The following ADGRL3 variants were observed in gnomAD, a reference collection of about 807,000 sequenced individuals.
ADGRL3 encodes the protein adhesion G protein-coupled receptor L3, also known as calcium-independent alpha-latrotoxin receptor 3.
Under a neutral mutation model 153.5 loss-of-function variants are expected in ADGRL3, and 62 were observed. That is an observed-to-expected ratio of 0.40 (90% CI 0.33 to 0.50). ADGRL3 has a LOEUF of 0.50. Ranked by LOEUF, ADGRL3 falls within the 20% of genes least tolerant of loss-of-function variation. ADGRL3 has a pLI of 0.47. For missense variants in ADGRL3, 1,641 were observed against 1,859.4 expected (o/e 0.88, Z 2.16); for synonymous variants, 710 against 672.5 (o/e 1.06, Z -0.86).
At chr4:61,228,965 T>C (rs1202954846) in intron 1 of ADGRL3, among the ~76,000 whole-genome samples, 1 of 152,188 alleles carries the variant, frequency 6.6e-6, no homozygotes, top group African/African-American at 2.4e-5. Flanking sequence ...GTGCTGGAAT[T>C]ACAGGCGTGA....
chr4:61,817,332 A>T (rs1201517554), intron 9 of ADGRL3, among the ~76,000 whole-genome samples: 3 of 152,166 alleles, frequency 2.0e-5, no homozygotes, highest in African/African-American at 7.2e-5. Flanking sequence ...TGTGGCCTGG[A>T]TTGAGAACTT....
chr4:61,879,648 T>C (rs1486930901), intron 9 of ADGRL3, among the ~76,000 whole-genome samples: 1 of 152,188 alleles, frequency 6.6e-6, no homozygotes, highest in African/African-American at 2.4e-5. Flanking sequence ...CAAGACTCCA[T>C]ATTCTTAAAA....
intron 9 of ADGRL3, among the ~76,000 whole-genome samples, chr4:61,881,500 T>G (rs2098508303): frequency 6.6e-6 from 1 of 152,176 alleles, no homozygotes; most frequent in Admixed American, 6.5e-5. Flanking sequence ...TGACTCAGCC[T>G]CCCAAGTAGG....
chr4:61,697,757 G>T (rs2095668466), intron 6 of ADGRL3, among the ~76,000 whole-genome samples: 1 of 152,058 alleles, frequency 6.6e-6, no homozygotes. Flanking sequence ...AGTGGCAGAG[G>T]TATTTTCAAG....
intron 4 of ADGRL3, among the ~76,000 whole-genome samples, chr4:61,527,097 A>C (rs1342610461): frequency 6.6e-6 from 1 of 152,104 alleles, no homozygotes. Context: ...TTCTGCCAAG[A>C]AGTAAATACA....
intron 4 of ADGRL3, among the ~76,000 whole-genome samples, chr4:61,557,625 C>A (rs1247569456): frequency 6.6e-6 from 1 of 152,156 alleles, no homozygotes; most frequent in Admixed American, 6.5e-5. Context: ...AGCAGGCTGA[C>A]TGCCTTTCAC....
At chr4:62,058,763 G>C (rs1282334962) in intron 25 of ADGRL3, among the ~76,000 whole-genome samples, 1 of 152,100 alleles carries the variant, frequency 6.6e-6, no homozygotes, top group Non-Finnish European at 1.5e-5. Context: ...CAATTTCGCA[G>C]CTATTAGAAG....
intron 9 of ADGRL3, among the ~76,000 whole-genome samples, chr4:61,834,418 A>G (rs2148906888): frequency 6.6e-6 from 1 of 152,306 alleles, no homozygotes; most frequent in East Asian, 1.9e-4. Flanking sequence ...CACAATAAAC[A>G]TACGTGTGCA....
chr4:61,478,643 A>G (rs903460975), intron 2 of ADGRL3, among the ~76,000 whole-genome samples: 11 of 151,858 alleles, frequency 7.2e-5, no homozygotes, highest in Admixed American at 6.6e-4. Context: ...GAACTCTTTG[A>G]CTCTTTCTGT....
At chr4:61,656,905 A>T (rs2094456892) in intron 5 of ADGRL3, among the ~76,000 whole-genome samples, 1 of 152,110 alleles carries the variant, frequency 6.6e-6, no homozygotes, top group Non-Finnish European at 1.5e-5. Context: ...CTCTCTGTTA[A>T]ACTTCTGCTG....
chr4:61,443,647 G>A (rs996936509), intron 2 of ADGRL3, among the ~76,000 whole-genome samples: 1 of 151,768 alleles, frequency 6.6e-6, no homozygotes, highest in Non-Finnish European at 1.5e-5. Flanking sequence ...TCCTTCTGAG[G>A]CTGGTGTGGG....
intron 1 of ADGRL3, among the ~76,000 whole-genome samples, chr4:61,364,483 G>T (rs1372617964): frequency 6.6e-6 from 1 of 151,780 alleles, no homozygotes; most frequent in African/African-American, 2.4e-5. Flanking sequence ...CTTCTTCACT[G>T]CTTTCATTTT....
At chr4:61,917,810 G>A (rs2098751653) in intron 13 of ADGRL3, among the ~76,000 whole-genome samples, 1 of 151,504 alleles carries the variant, frequency 6.6e-6, no homozygotes, top group South Asian at 2.1e-4. Flanking sequence ...AGAACAGAAA[G>A]TTCCTGAAAT....
At chr4:61,440,271 A>G (rs1353511038) in intron 2 of ADGRL3, among the ~76,000 whole-genome samples, 1 of 152,104 alleles carries the variant, frequency 6.6e-6, no homozygotes, top group African/African-American at 2.4e-5. Flanking sequence ...GCTAGTCTCA[A>G]ACTCCTGACC....
At chr4:61,545,420 CCT>C (rs2098708998) in intron 4 of ADGRL3, among the ~76,000 whole-genome samples, 2 of 152,074 alleles carry the variant, frequency 1.3e-5, no homozygotes, top group African/African-American at 4.8e-5. Context: ...TGGGGCAGTG[CCT>C]CTCTTTCATA....
At chr4:61,494,587 G>A (rs1488393080) in intron 2 of ADGRL3, among the ~76,000 whole-genome samples, 1 of 152,074 alleles carries the variant, frequency 6.6e-6, no homozygotes, top group Non-Finnish European at 1.5e-5. Flanking sequence ...AGATTTTCAG[G>A]TTTTCTTGTG....
At chr4:61,237,358 C>T (rs1009590019) in intron 1 of ADGRL3, among the ~76,000 whole-genome samples, 4 of 152,070 alleles carry the variant, frequency 2.6e-5, no homozygotes, top group African/African-American at 9.7e-5. Flanking sequence ...TTTAAATATT[C>T]ATTTGGCTAA....
At chr4:61,920,835 T>A (rs1160345725) in intron 13 of ADGRL3, among the ~76,000 whole-genome samples, 1 of 152,154 alleles carries the variant, frequency 6.6e-6, no homozygotes, top group East Asian at 1.9e-4. Flanking sequence ...TATTATATCT[T>A]AAGGGCTACC....
chr4:61,909,639 T>C lies in ADGRL3; in HGVS notation c.1967T>C (p.Ile656Thr). 2 of 1,613,046 alleles carry C rather than the reference T, an allele frequency of 1.2e-6. No homozygotes were observed. Among genetic ancestry groups the C allele is most frequent in the Non-Finnish European group, 1.7e-6 (2 of 1,179,540 alleles). Residue 656 changes from isoleucine to threonine, a missense_variant, in exon 12 of 27, where the codon ATC (isoleucine) becomes ACC (threonine). By Grantham distance (89) the Ile-to-Thr change is moderately conservative (BLOSUM62 -1). This residue lies in a region of ADGRL3 where 734 missense variants were observed against 797.0 expected (regional missense o/e 0.92). Coordinates refer to ENST00000683033, the MANE Select transcript of ADGRL3 (RefSeq NM_001387552.1). The part of the protein sequence containing the change: ...QTRNHLNAGD[I>T]TYSVRAMDQL... ...AGAAATCACTTGAATGCTGGGGACA[T>C]CACCTACTCTGTCCGGGCCATGGAC...
Sources: allele counts gnomAD v4.1 joint callset (sites outside exome capture counted in the v4.1 genomes callset), GRCh38; gene constraint gnomAD v4.1.1; regional missense constraint gnomAD v4.1.1; transcripts MANE v1.5; gene names NCBI Gene and HGNC (gene_info 2026-07-23, HGNC 2026-07-21).